EYA2: variants seen among roughly 807,000 people sequenced by gnomAD.
The protein encoded by EYA2 is EYA transcriptional coactivator and phosphatase 2, also known as protein phosphatase EYA2.
A neutral mutation model predicts 69.2 loss-of-function variants in EYA2; 31 were observed. That is an observed-to-expected ratio of 0.45 (90% CI 0.34 to 0.60). The LOEUF (loss-of-function observed/expected upper bound fraction) is 0.60. EYA2 is among the 20% of genes least tolerant of loss of function. The probability of loss-of-function intolerance (pLI) is 0.02; values close to 1 mark genes in which losing one functional copy is unlikely to be tolerated. For missense variants in EYA2, 622 were observed against 701.2 expected (o/e 0.89, Z 1.28); for synonymous variants, 257 against 279.4 (o/e 0.92, Z 0.80).
rs1417383107 is a variant in EYA2, at chr20:47,040,377, C to T, written c.415+24080C>T. Among the ~76,000 whole-genome samples, 7 of 152,210 alleles carry T rather than the reference C, an allele frequency of 4.6e-5. No homozygotes were observed. The South Asian group carries it at 1.2e-3, about 27-fold the overall frequency. ...GTATGTTCCACTTAGAGCCTGTCTC[C>T]GTATCTCCCTCAATGGGGGATCTTG... is the stretch of plus-strand genomic sequence containing the variant. On this transcript the variant is annotated intron_variant, in intron 5 of 15. Transcript: ENST00000327619.
At chr20:47,052,123 C>T (rs2030373514) in intron 5 of EYA2, among the ~76,000 whole-genome samples, 1 of 152,170 alleles carries the variant, frequency 6.6e-6, no homozygotes, top group South Asian at 2.1e-4. Context: ...CAAAAGACAG[C>T]CTCTGCTCCC....
At chr20:46,988,000 G>A (rs756481619) in intron 1 of EYA2, among the ~76,000 whole-genome samples, 3 of 32,314 alleles carry the variant, frequency 9.3e-5, no homozygotes, top group Admixed American at 3.0e-4. Context: ...ATATATATGG[G>A]GCAAAAAAAA....
intron 1 of EYA2, among the ~76,000 whole-genome samples, chr20:46,984,294 A>G (rs1600607699): frequency 6.6e-6 from 1 of 152,174 alleles, no homozygotes; most frequent in South Asian, 2.1e-4. Context: ...GAAAACAGAC[A>G]AATGAAAGAC....
chr20:46,943,413 C>T (rs1162741606), intron 1 of EYA2, among the ~76,000 whole-genome samples: 1 of 152,048 alleles, frequency 6.6e-6, no homozygotes, highest in East Asian at 1.9e-4. Flanking sequence ...CTGCAAGTCT[C>T]AGCTTCTCCT....
chr20:47,170,508 G>A (rs370972035), intron 11 of EYA2, among the ~76,000 whole-genome samples: 5 of 152,044 alleles, frequency 3.3e-5, no homozygotes, highest in Admixed American at 6.5e-5. Flanking sequence ...TTAGCCGGGC[G>A]TGGTGGCGGG....
At chr20:46,899,528 G>T (rs1983986353) in intron 1 of EYA2, among the ~76,000 whole-genome samples, 1 of 152,190 alleles carries the variant, frequency 6.6e-6, no homozygotes, top group African/African-American at 2.4e-5. Flanking sequence ...AAATTTACCG[G>T]CAGTGGAGAG....
intron 9 of EYA2, among the ~76,000 whole-genome samples, chr20:47,120,891 G>A (rs1600723587): frequency 6.6e-6 from 1 of 152,270 alleles, no homozygotes; most frequent in South Asian, 2.1e-4. Flanking sequence ...TCTGGTTTTG[G>A]TGTCCAGATA....
At chr20:47,175,263 T>G (rs1295302691) in intron 12 of EYA2, among the ~76,000 whole-genome samples, 1 of 152,172 alleles carries the variant, frequency 6.6e-6, no homozygotes, top group East Asian at 1.9e-4. Flanking sequence ...TTCCAAGTGT[T>G]TTAGAAGGTA....
intron 12 of EYA2, among the ~76,000 whole-genome samples, chr20:47,174,543 G>C (rs974885662): frequency 2.0e-5 from 3 of 152,152 alleles, no homozygotes; most frequent in Non-Finnish European, 4.4e-5. Flanking sequence ...TACTGTCCCT[G>C]GAGCTTTCCC....
At chr20:47,050,301 T>C (rs536891982) in intron 5 of EYA2, among the ~76,000 whole-genome samples, 1 of 152,290 alleles carries the variant, frequency 6.6e-6, no homozygotes, top group Admixed American at 6.5e-5. Context: ...GGGAAAAATA[T>C]AAAACAAACA....
intron 5 of EYA2, among the ~76,000 whole-genome samples, chr20:47,039,085 G>A (rs1984886401): frequency 6.7e-6 from 1 of 149,504 alleles, no homozygotes; most frequent in South Asian, 2.2e-4. Context: ...GCTGGGCTTA[G>A]CAAAAAACCA....
At chr20:47,003,407 G>A (rs897748239) in intron 3 of EYA2, among the ~76,000 whole-genome samples, 32 of 152,230 alleles carry the variant, frequency 2.1e-4, no homozygotes, top group African/African-American at 7.7e-4. Flanking sequence ...GCCCTTGTAG[G>A]CATTGTTGCA....
intron 5 of EYA2, among the ~76,000 whole-genome samples, chr20:47,037,688 G>A (rs1296430942): frequency 6.6e-6 from 1 of 152,126 alleles, no homozygotes; most frequent in Non-Finnish European, 1.5e-5. Flanking sequence ...GCTACAGTGG[G>A]TTGATCTTCT....
At position 47,072,216 on chromosome 20, in the gene EYA2, A is replaced by G. The variant is rs372432425; in HGVS notation, c.447A>G (p.Gly149=). Residue 149 remains glycine, a synonymous_variant, in exon 6 of 16, where the codon GGA becomes GGG. Transcript: ENST00000327619. ...GTTGFYQGGN[G]LGNAAGFGSV... ...CAGGGTTCTATCAAGGAGGAAATGG[A>G]CTGGGCAACGCAGCCGGTTTCGGGA... The G allele has an allele frequency of 1.9e-6, 3 of 1,613,110 alleles. No homozygotes were observed. The highest frequency in any genetic ancestry group is 2.5e-6 in the Non-Finnish European group (3 of 1,179,634).
chr20:47,041,329 T>C (rs1034085702), intron 5 of EYA2, among the ~76,000 whole-genome samples: 4 of 152,202 alleles, frequency 2.6e-5, no homozygotes, highest in Non-Finnish European at 5.9e-5. Flanking sequence ...CTGCACATAG[T>C]ACAGAGGTAG....
intron 10 of EYA2, among the ~76,000 whole-genome samples, chr20:47,168,061 G>A (rs1387719237): frequency 6.6e-6 from 1 of 152,120 alleles, no homozygotes; most frequent in Non-Finnish European, 1.5e-5. Flanking sequence ...GCCAGCCAAC[G>A]TCCCCGGGCT....
chr20:46,956,234 G>T (rs919955447), intron 1 of EYA2, among the ~76,000 whole-genome samples: 9 of 152,228 alleles, frequency 5.9e-5, no homozygotes, highest in Non-Finnish European at 1.3e-4. Flanking sequence ...TTGCCCATCA[G>T]TGATATTCAT....
chr20:46,969,588 T>G (rs1482009860), intron 1 of EYA2, among the ~76,000 whole-genome samples: 2 of 152,224 alleles, frequency 1.3e-5, no homozygotes, highest in Non-Finnish European at 2.9e-5. Context: ...TGTTGTTGTT[T>G]TTTATTTGTT....
chr20:47,090,126 C>G (rs6090621), intron 8 of EYA2, among the ~76,000 whole-genome samples: 6 of 152,008 alleles, frequency 3.9e-5, no homozygotes, highest in Non-Finnish European at 8.8e-5. Flanking sequence ...CAATTAAATC[C>G]TATTCCCTGA....
Sources: allele counts gnomAD v4.1 joint callset (sites outside exome capture counted in the v4.1 genomes callset), GRCh38; gene constraint gnomAD v4.1.1; transcripts MANE v1.5; gene names NCBI Gene and HGNC (gene_info 2026-07-23, HGNC 2026-07-21).